FNIP2: variants seen among roughly 807,000 people sequenced by gnomAD.
FNIP2 encodes the protein folliculin interacting protein 2.
FNIP2 carries 32 observed loss-of-function variants against 108.7 expected under a neutral mutation model. That is an observed-to-expected ratio of 0.29 (90% confidence interval 0.22 to 0.40). The LOEUF (loss-of-function observed/expected upper bound fraction) is 0.40, where lower values mean the gene tolerates loss of function less well. Among genes scored for constraint, FNIP2 ranks in the 10% least tolerant of loss-of-function variants. The pLI is 1.00. For missense variants in FNIP2, 1,202 were observed against 1,381.6 expected, an observed-to-expected ratio of 0.87 and a Z score of 2.06; for synonymous variants, 480 against 496.7, an observed-to-expected ratio of 0.97 and a Z score of 0.45.
At chr4:158,801,971 T>A (rs1330135630) in intron 1 of FNIP2, among the ~76,000 whole-genome samples, 1 of 152,160 alleles carries the variant, frequency 6.6e-6, no homozygotes, top group Non-Finnish European at 1.5e-5. Context: ...TAAAGTAGAC[T>A]GCTTCAAAAA....
At chr4:158,829,279 A>T (rs569348966) in intron 3 of FNIP2, 54 bp downstream of exon 3, 2 of 1,457,584 alleles carry the variant, frequency 1.4e-6, no homozygotes, top group South Asian at 2.8e-5. Context: ...TATTTACTGT[A>T]ATTTCTCCTT....
chr4:158,786,274 T>C (rs1776221565), intron 1 of FNIP2, among the ~76,000 whole-genome samples: 1 of 152,214 alleles, frequency 6.6e-6, no homozygotes, highest in Non-Finnish European at 1.5e-5. Flanking sequence ...TGTCCTTTTG[T>C]TTTCTGGACC....
intron 14 of FNIP2, chr4:158,872,619 A>G: frequency 1.0e-6 from 1 of 985,200 alleles, no homozygotes; most frequent in Non-Finnish European, 1.2e-6. Context: ...TAATACATTC[A>G]GAATATATCC....
At chr4:158,874,578 A>G (rs902243754) in intron 14 of FNIP2, among the ~76,000 whole-genome samples, 2 of 151,038 alleles carry the variant, frequency 1.3e-5, no homozygotes, top group Non-Finnish European at 2.9e-5. Context: ...TGCTTAAGCC[A>G]AATGTTCAAT....
chr4:158,830,682 T>C (rs1296694057), intron 3 of FNIP2, among the ~76,000 whole-genome samples: 1 of 152,202 alleles, frequency 6.6e-6, no homozygotes, highest in African/African-American at 2.4e-5. Flanking sequence ...TAAAAAAAGA[T>C]TTGGAAGAGT....
chr4:158,834,019 CAA>C (rs1778634665), intron 6 of FNIP2: 1 of 459,216 alleles, frequency 2.2e-6, no homozygotes, highest in Non-Finnish European at 3.4e-6. Flanking sequence ...ATATTGGTTT[CAA>C]ATGCGGCCAA....
At chr4:158,777,787 C>T (rs1775907499) in intron 1 of FNIP2, among the ~76,000 whole-genome samples, 1 of 151,996 alleles carries the variant, frequency 6.6e-6, no homozygotes, top group African/African-American at 2.4e-5. Flanking sequence ...GCCATGTGTA[C>T]CTGAGAAATT....
Position 158,864,959 on chromosome 4 carries a change from TCTCC to T in FNIP2, c.1466-3136_1466-3133del, listed in dbSNP as rs1780500908. The stretch of plus-strand genomic sequence containing the variant: ...TGTCTGTTCCTCTGCTCTCTCCGTC[TCTCC>T]CTCCCTGAGTCTCCACTCTGTGTCC... On this transcript the variant is annotated intron_variant, in intron 12 of 16. Transcript: ENST00000264433. Among the ~76,000 whole-genome samples, 4 of 152,190 alleles carry T rather than the reference TCTCC, an allele frequency of 2.6e-5. No homozygotes were observed. The South Asian group carries it at 8.3e-4, about 32-fold the overall frequency.
intron 1 of FNIP2, chr4:158,808,795 C>G (rs988501695): frequency 2.0e-5 from 3 of 152,154 alleles, no homozygotes; most frequent in Non-Finnish European, 4.4e-5. Context: ...AGCACACTGA[C>G]AAGCAGGGGT....
chr4:158,793,950 C>T (rs1776502561), intron 1 of FNIP2, among the ~76,000 whole-genome samples: 1 of 152,134 alleles, frequency 6.6e-6, no homozygotes, highest in Admixed American at 6.5e-5. Context: ...TCAGTAAACA[C>T]CAGCCACATG....
chr4:158,770,014 G>A (rs1407343126), intron 1 of FNIP2, among the ~76,000 whole-genome samples: 1 of 152,144 alleles, frequency 6.6e-6, no homozygotes, highest in African/African-American at 2.4e-5. Context: ...TACCTAAAAT[G>A]CTTTATGTTG....
At chr4:158,887,047 C>G (rs180751994) in intron 14 of FNIP2, among the ~76,000 whole-genome samples, 1 of 152,264 alleles carries the variant, frequency 6.6e-6, no homozygotes, top group Non-Finnish European at 1.5e-5. Flanking sequence ...CAAAGTGAGG[C>G]TCACCATGGT....
chr4:158,790,809 G>C (rs1475246433), intron 1 of FNIP2, among the ~76,000 whole-genome samples: 1 of 151,940 alleles, frequency 6.6e-6, no homozygotes, highest in Non-Finnish European at 1.5e-5. Context: ...GATGACTTAA[G>C]TGTCTAAGCT....
At chr4:158,811,389 C>T (rs1777260375) in intron 1 of FNIP2, among the ~76,000 whole-genome samples, 1 of 152,130 alleles carries the variant, frequency 6.6e-6, no homozygotes, top group Non-Finnish European at 1.5e-5. Flanking sequence ...ATTTTCAGCT[C>T]TAGCATATGA....
Position 158,799,629 on chromosome 4 carries a change from A to G in FNIP2, c.108-26287A>G, listed in dbSNP as rs573879682. On this transcript the variant is annotated intron_variant, in intron 1 of 16. Coordinates refer to ENST00000264433, the MANE Select transcript of FNIP2 (RefSeq NM_020840.3). Reference sequence around the variant, plus strand: ...CCAACTTCTTAAGCAGCTCTAGACTACTGATACCTTCCTTTCCTAGGTCCA... The same window carrying G: ...CCAACTTCTTAAGCAGCTCTAGACTGCTGATACCTTCCTTTCCTAGGTCCA... Among the ~76,000 whole-genome samples, 7 of 152,322 alleles carry G rather than the reference A, an allele frequency of 4.6e-5. No homozygotes were observed. The South Asian group carries it at 1.5e-3, about 32-fold the overall frequency.
At chr4:158,842,698 C>A (rs929814344) in intron 7 of FNIP2, among the ~76,000 whole-genome samples, 1 of 151,706 alleles carries the variant, frequency 6.6e-6, no homozygotes, top group South Asian at 2.1e-4. Context: ...ATTTTTAAAA[C>A]CTTTGTATAA....
intron 1 of FNIP2, among the ~76,000 whole-genome samples, chr4:158,803,748 T>C (rs1776839674): frequency 6.6e-6 from 1 of 152,226 alleles, no homozygotes; most frequent in South Asian, 2.1e-4. Flanking sequence ...TGTTAAGATA[T>C]CATGTTGGTC....
intron 1 of FNIP2, among the ~76,000 whole-genome samples, chr4:158,784,133 C>CT (rs1229399636): frequency 5.9e-5 from 9 of 152,308 alleles, no homozygotes; most frequent in African/African-American, 1.9e-4. Flanking sequence ...GTTGAACACT[C>CT]TAAGTTGTGA....
chr4:158,851,286 G>T (rs2126650888), intron 7 of FNIP2, 35 bp from the exon 8 acceptor site: 1 of 1,612,900 alleles, frequency 6.2e-7, no homozygotes, highest in South Asian at 1.1e-5. Context: ...AGGACTAATT[G>T]ACCTCAACTT....
Sources: gnomAD v4.1 joint callset for allele counts (sites outside exome capture counted in the v4.1 genomes callset) on GRCh38, gnomAD v4.1.1 for gene constraint, MANE v1.5 for transcripts, NCBI Gene and HGNC (gene_info 2026-07-23, HGNC 2026-07-21) for gene names.